The following SULF1 variants were observed in gnomAD, a reference collection of about 807,000 sequenced individuals.
The protein encoded by SULF1 is extracellular sulfatase Sulf-1.
In SULF1, 46 loss-of-function variants were observed where a neutral mutation model predicts 110.5. That is an observed-to-expected ratio of 0.42 (90% CI 0.33 to 0.53). The LOEUF (loss-of-function observed/expected upper bound fraction) is 0.53. SULF1 is among the 20% of genes least tolerant of loss of function. The pLI, the probability that SULF1 is intolerant of heterozygous loss-of-function variation, is 0.12. For synonymous variants in SULF1, 371 were observed against 387.1 expected (o/e 0.96, Z 0.49); for missense variants, 941 against 1,094.2 (o/e 0.86, Z 1.98).
At chr8:69,639,626 T>C (rs185276609) in intron 21 of SULF1, among the ~76,000 whole-genome samples, 68 of 152,312 alleles carry the variant, frequency 4.5e-4, no homozygotes, top group African/African-American at 1.6e-3. Context: ...GCATGGACCT[T>C]GGCATGGCAT....
intron 22 of SULF1, among the ~76,000 whole-genome samples, chr8:69,654,245 A>G (rs1812553531): frequency 6.6e-6 from 1 of 152,112 alleles, no homozygotes; most frequent in Non-Finnish European, 1.5e-5. Flanking sequence ...CCATCTCTCC[A>G]TTTATGACCA....
intron 1 of SULF1, among the ~76,000 whole-genome samples, chr8:69,494,650 T>C (rs956403252): frequency 8.5e-5 from 13 of 152,196 alleles, no homozygotes; most frequent in African/African-American, 2.9e-4. Context: ...AGCATTAGCC[T>C]CAAAGGCAAA....
At chr8:69,647,968 A>G (rs1162135004) in intron 22 of SULF1, among the ~76,000 whole-genome samples, 2 of 151,352 alleles carry the variant, frequency 1.3e-5, no homozygotes, top group African/African-American at 4.9e-5. Context: ...CAAAAAGCCA[A>G]TTTACAATTT....
At position 69,660,555 on chromosome 8, in the gene SULF1, T is replaced by G. The variant is rs941852889; in HGVS notation, c.*2020T>G. Reference sequence around the variant, plus strand: ...CCCTAAGAGAGGTTTTCTTCTTATTTTTAGATAATTCAAGTGCTTAGATAA... The same window carrying G: ...CCCTAAGAGAGGTTTTCTTCTTATTGTTAGATAATTCAAGTGCTTAGATAA... On this transcript the variant is annotated 3_prime_UTR_variant, in exon 23 of 23. Coordinates refer to ENST00000402687, the MANE Select transcript of SULF1 (RefSeq NM_001128205.2). 1 of 152,668 alleles carries G rather than the reference T, an allele frequency of 6.6e-6. No homozygotes were observed. Among genetic ancestry groups the G allele is most frequent in the Non-Finnish European group, 1.5e-5 (1 of 68,038 alleles). The allele number at this position is 152,668 out of a possible 1,614,324, so 9.5% of individuals were successfully genotyped here.
intron 3 of SULF1, among the ~76,000 whole-genome samples, chr8:69,553,928 T>G (rs540019168): frequency 6.6e-6 from 1 of 152,356 alleles, no homozygotes; most frequent in South Asian, 2.1e-4. Flanking sequence ...CTGTAATCTC[T>G]AATATCACAT....
intron 19 of SULF1, among the ~76,000 whole-genome samples, chr8:69,631,365 C>T (rs538103295): frequency 6.6e-6 from 1 of 152,202 alleles, no homozygotes. Flanking sequence ...TCCTCTGTGG[C>T]CTCCCAGGCT....
chr8:69,529,956 C>G (rs1323531862), intron 3 of SULF1, among the ~76,000 whole-genome samples: 1 of 152,208 alleles, frequency 6.6e-6, no homozygotes, highest in African/African-American at 2.4e-5. Context: ...AGGCGAGAGT[C>G]ACTGGAGACT....
At chr8:69,529,019 T>A (rs1190076479) in intron 3 of SULF1, among the ~76,000 whole-genome samples, 1 of 152,144 alleles carries the variant, frequency 6.6e-6, no homozygotes, top group Non-Finnish European at 1.5e-5. Context: ...TACCAGCTCT[T>A]CTCCTAAGTG....
Position 69,564,125 on chromosome 8 carries a change from C to T in SULF1, c.150C>T (p.Thr50=), listed in dbSNP as rs556138737. The T allele has an allele frequency of 1.1e-5, 18 of 1,613,986 alleles. No homozygotes were observed. Among genetic ancestry groups the T allele is most frequent in the African/African-American group, 4.0e-5 (3 of 74,888 alleles). ...GACCCAACATTATTCTTGTGCTTAC[C>T]GATGATCAAGATGTGGAGCTGGGTG... The part of the protein sequence containing the change: ...NIRPNIILVL[T]DDQDVELGSL... The change falls in exon 5 of 23, where the codon ACC becomes ACT. Residue 50 remains threonine, a synonymous_variant. Coordinates refer to ENST00000402687, the MANE Select transcript of SULF1 (RefSeq NM_001128205.2).
chr8:69,563,557 T>C lies in SULF1; in HGVS notation c.-115T>C, dbSNP rs541731227. ...CTTCCAGGACCCTATCTGCAGATGTTCTGAATACCTCTGAGAATAGAGATT... is the reference window on the plus strand; with the variant it reads ...CTTCCAGGACCCTATCTGCAGATGTCCTGAATACCTCTGAGAATAGAGATT... On this transcript the variant is annotated 5_prime_UTR_variant, in exon 4 of 23. Coordinates refer to ENST00000402687, the MANE Select transcript of SULF1 (RefSeq NM_001128205.2). 5.5e-5 allele frequency: 9 copies of C among 164,602 alleles called. No homozygotes were observed. Among genetic ancestry groups the C allele is most frequent in the African/African-American group, 2.2e-4 (9 of 41,808 alleles). The allele number at this position is 164,602 out of a possible 1,614,324, so 10.2% of individuals were successfully genotyped here.
At chr8:69,651,574 G>A (rs115514106) in intron 22 of SULF1, among the ~76,000 whole-genome samples, 5,314 of 151,926 alleles carry the variant, frequency 0.035, 202 homozygotes, top group African/African-American at 0.098. Flanking sequence ...TTTAATGAAC[G>A]TTGAATTTGT....
At position 69,601,829 on chromosome 8, in the gene SULF1, T is replaced by C. The variant is rs570110159; in HGVS notation, c.1061T>C (p.Ile354Thr). 6 of 1,605,220 alleles carry C rather than the reference T, an allele frequency of 3.7e-6. No homozygotes were observed. The African/African-American group carries it at 8.0e-5, about 21-fold the overall frequency. ...IRGPSVEPGS[I>T]VPQIVLNIDL... is the part of the protein sequence containing the mutation. ...GGTCCAAGTGTAGAACCAGGATCAATGTACGTATTTCTCTGTTTGCAACAT... is the reference window on the plus strand; with the variant it reads ...GGTCCAAGTGTAGAACCAGGATCAACGTACGTATTTCTCTGTTTGCAACAT... The change falls in exon 10 of 23, where the codon ATA (isoleucine) becomes ACA (threonine). Residue 354 changes from isoleucine (I) to threonine (T), a missense_variant and splice_region_variant. This residue lies in a region of SULF1 where 822 missense variants were observed against 934.3 expected (regional missense o/e 0.88). Coordinates refer to ENST00000402687, the MANE Select transcript of SULF1 (RefSeq NM_001128205.2).
chr8:69,562,968 G>C (rs1815610965), intron 3 of SULF1: 1 of 152,368 alleles, frequency 6.6e-6, no homozygotes, highest in South Asian at 2.1e-4. Flanking sequence ...TCTGGTGATT[G>C]ATTGATGGGG....
intron 3 of SULF1, among the ~76,000 whole-genome samples, chr8:69,550,913 T>C (rs1814663346): frequency 6.6e-6 from 1 of 152,220 alleles, no homozygotes; most frequent in Non-Finnish European, 1.5e-5. Flanking sequence ...TTCCCTACTC[T>C]TCCACAGTGT....
At chr8:69,603,456 C>G (rs1385543468) in intron 11 of SULF1, 136 bp downstream of exon 11, 10 of 1,458,970 alleles carry the variant, frequency 6.9e-6, no homozygotes, top group African/African-American at 1.4e-5. Context: ...GAGCATTTCT[C>G]AGCTGCTTGT....
chr8:69,487,874 A>G (rs1276056851), upstream of SULF1, among the ~76,000 whole-genome samples: 1 of 152,226 alleles, frequency 6.6e-6, no homozygotes, highest in African/African-American at 2.4e-5. Context: ...TAGTCTAAGA[A>G]CGTGTGTCGA....
chr8:69,605,024 G>T, intron 13 of SULF1, 92 bp downstream of exon 13: 3 of 1,543,354 alleles, frequency 1.9e-6, no homozygotes, highest in Non-Finnish European at 1.7e-6. Context: ...GTACATTTGT[G>T]TATAAATAAG....
intron 3 of SULF1, among the ~76,000 whole-genome samples, chr8:69,535,381 A>G (rs1337079140): frequency 1.3e-5 from 2 of 152,174 alleles, no homozygotes; most frequent in Non-Finnish European, 2.9e-5. Flanking sequence ...AGCCTTTAAA[A>G]CAATCACTCT....
intron 3 of SULF1, among the ~76,000 whole-genome samples, chr8:69,502,451 A>G (rs1810870129): frequency 6.6e-6 from 1 of 152,184 alleles, no homozygotes; most frequent in African/African-American, 2.4e-5. Flanking sequence ...AGCCAGGGAG[A>G]GTTGTGGCAA....
Sources: allele counts gnomAD v4.1 joint callset (sites outside exome capture counted in the v4.1 genomes callset), GRCh38; gene constraint gnomAD v4.1.1; regional missense constraint gnomAD v4.1.1; transcripts MANE v1.5; gene names NCBI Gene and HGNC (gene_info 2026-07-23, HGNC 2026-07-21).